The following HIPK2 variants were observed in gnomAD, a reference collection of about 807,000 sequenced individuals.
The protein encoded by HIPK2 is homeodomain interacting protein kinase 2.
In HIPK2, 27 loss-of-function variants were observed where a neutral mutation model predicts 113.7. The observed-to-expected ratio is 0.24, with a 90% CI of 0.17 to 0.33. The LOEUF (loss-of-function observed/expected upper bound fraction) is 0.33. HIPK2 is among the 10% of genes least tolerant of loss of function. The probability of loss-of-function intolerance (pLI) is 1.00; values close to 1 mark genes in which losing one functional copy is unlikely to be tolerated. For missense variants in HIPK2, 1,257 were observed against 1,588.0 expected (o/e 0.79, Z 3.54); for synonymous variants, 631 against 642.2 (o/e 0.98, Z 0.26).
intron 2 of HIPK2, among the ~76,000 whole-genome samples, chr7:139,671,885 A>G (rs1045671478): frequency 6.6e-6 from 1 of 152,208 alleles, no homozygotes; most frequent in African/African-American, 2.4e-5. Context: ...TAATGCATTT[A>G]TGAGAAATGG....
chr7:139,725,561 T>C (rs1204606022), intron 1 of HIPK2, among the ~76,000 whole-genome samples: 1 of 152,236 alleles, frequency 6.6e-6, no homozygotes, highest in Non-Finnish European at 1.5e-5. Context: ...AATTGTCATC[T>C]TCTGATAACT....
chr7:139,637,815 G>A (rs1367638454), intron 2 of HIPK2, among the ~76,000 whole-genome samples: 1 of 152,198 alleles, frequency 6.6e-6, no homozygotes, highest in African/African-American at 2.4e-5. Flanking sequence ...GAATCATTAT[G>A]CAGCAATCAA....
At chr7:139,728,192 C>T (rs1795646542) in intron 1 of HIPK2, among the ~76,000 whole-genome samples, 1 of 152,124 alleles carries the variant, frequency 6.6e-6, no homozygotes, top group African/African-American at 2.4e-5. Context: ...ATCCTCCTGC[C>T]TCACACTCTC....
chr7:139,607,796 G>A (rs760397170), intron 9 of HIPK2, among the ~76,000 whole-genome samples: 1 of 152,084 alleles, frequency 6.6e-6, no homozygotes, highest in East Asian at 1.9e-4. Flanking sequence ...TATGGGGATG[G>A]CAGTGGGTTA....
chr7:139,764,603 A>T (rs907641106), intron 1 of HIPK2, among the ~76,000 whole-genome samples: 1 of 152,234 alleles, frequency 6.6e-6, no homozygotes, highest in African/African-American at 2.4e-5. Flanking sequence ...ATATCCAAAG[A>T]GAGAGGTCCA....
intron 1 of HIPK2, among the ~76,000 whole-genome samples, chr7:139,739,996 G>A (rs947581267): frequency 1.3e-5 from 2 of 152,072 alleles, no homozygotes; most frequent in African/African-American, 2.4e-5. Flanking sequence ...TTTTCGCTGC[G>A]ATGCAACCAT....
chr7:139,649,767 A>G (rs1801389030), intron 2 of HIPK2, among the ~76,000 whole-genome samples: 1 of 151,652 alleles, frequency 6.6e-6, no homozygotes, highest in Non-Finnish European at 1.5e-5. Flanking sequence ...AGCAGGGACT[A>G]CTCTTTGTTC....
intron 2 of HIPK2, among the ~76,000 whole-genome samples, chr7:139,657,941 G>C (rs933513733): frequency 6.6e-6 from 1 of 152,160 alleles, no homozygotes; most frequent in Non-Finnish European, 1.5e-5. Flanking sequence ...CAGGGATCAG[G>C]AGACCTGGGT....
intron 1 of HIPK2, among the ~76,000 whole-genome samples, chr7:139,720,666 A>C (rs1795381882): frequency 6.6e-6 from 1 of 152,254 alleles, no homozygotes; most frequent in African/African-American, 2.4e-5. Context: ...TACAATATAG[A>C]AATGACCAAT....
intron 1 of HIPK2, among the ~76,000 whole-genome samples, chr7:139,745,342 G>A (rs1196010879): frequency 6.6e-6 from 1 of 152,180 alleles, no homozygotes; most frequent in Non-Finnish European, 1.5e-5. Context: ...GCAGGAATGA[G>A]GAGTTCTGGA....
Position 139,567,509 on chromosome 7 carries a change from T to C in HIPK2, c.*5418A>G, listed in dbSNP as rs995314581. The C allele has an allele frequency of 6.6e-6, 1 of 152,152 alleles. No individual in the cohort carries two copies. The highest frequency in any genetic ancestry group is 2.4e-5 in the African/African-American group (1 of 41,424). The allele number at this position is 152,152 out of a possible 1,614,324, so 9.4% of individuals were successfully genotyped here. ...CGAAGGGAAGGCCATTTTGTCCATT[T>C]CTGGAGGCGTCTTTGAGAAGGGTTC... On this transcript the variant is annotated 3_prime_UTR_variant, in exon 15 of 15. Transcript: ENST00000406875.
At chr7:139,735,899 A>G (rs567436012) in intron 1 of HIPK2, among the ~76,000 whole-genome samples, 6 of 152,346 alleles carry the variant, frequency 3.9e-5, no homozygotes, top group African/African-American at 1.4e-4. Context: ...CAATATGAAA[A>G]TAAGATAAAA....
At chr7:139,764,992 C>T (rs1317186518) in intron 1 of HIPK2, among the ~76,000 whole-genome samples, 8 of 151,684 alleles carry the variant, frequency 5.3e-5, no homozygotes, top group East Asian at 1.9e-4. Context: ...AAAAATTAGC[C>T]GGGCATGGTG....
chr7:139,707,291 C>G (rs1479006189), intron 2 of HIPK2, among the ~76,000 whole-genome samples: 1 of 152,280 alleles, frequency 6.6e-6, no homozygotes, highest in Non-Finnish European at 1.5e-5. Context: ...TGTCCCGGAA[C>G]AAGGGCCACA....
At chr7:139,599,803 A>G (rs11766531) in intron 11 of HIPK2, among the ~76,000 whole-genome samples, 6,537 of 152,308 alleles carry the variant, frequency 0.043, 176 homozygotes, top group Non-Finnish European at 0.064. Flanking sequence ...GTAGAAAGTG[A>G]CAAAAGATAA....
At chr7:139,677,619 A>C (rs1020317352) in intron 2 of HIPK2, among the ~76,000 whole-genome samples, 1 of 152,216 alleles carries the variant, frequency 6.6e-6, no homozygotes, top group African/African-American at 2.4e-5. Context: ...ATACATGTGC[A>C]GAACGTGCAG....
At chr7:139,695,841 A>G (rs922051185) in intron 2 of HIPK2, among the ~76,000 whole-genome samples, 4 of 152,248 alleles carry the variant, frequency 2.6e-5, no homozygotes, top group African/African-American at 9.6e-5. Flanking sequence ...AACTGTGATC[A>G]GAGTGATTTC....
rs1263963204 is a variant in HIPK2, at chr7:139,567,611, C to T, written c.*5316G>A. The T allele has an allele frequency of 1.3e-5, 2 of 152,132 alleles. No individual in the cohort carries two copies. Among genetic ancestry groups the T allele is most frequent in the Admixed American group, 1.3e-4 (2 of 15,274 alleles). The allele number at this position is 152,132 out of a possible 1,614,324, so 9.4% of individuals were successfully genotyped here. On this transcript the variant is annotated 3_prime_UTR_variant, in exon 15 of 15. Transcript: ENST00000406875. ...ATCTCTGGCCTGCTCAAGTTTGAAG[C>T]TTCCCCATCAGAAGTCTGTAAAACA...
At chr7:139,660,332 C>A (rs1013313650) in intron 2 of HIPK2, among the ~76,000 whole-genome samples, 2 of 152,162 alleles carry the variant, frequency 1.3e-5, no homozygotes, top group African/African-American at 4.8e-5. Context: ...GAGCCTCAAC[C>A]AAACTCAAAT....
Sources: gnomAD v4.1 joint callset for allele counts (sites outside exome capture counted in the v4.1 genomes callset) on GRCh38, gnomAD v4.1.1 for gene constraint, MANE v1.5 for transcripts, NCBI Gene and HGNC (gene_info 2026-07-23, HGNC 2026-07-21) for gene names.